The following RSRC1 variants were observed in gnomAD, a reference collection of about 807,000 sequenced individuals.
The protein encoded by RSRC1 is arginine and serine rich coiled-coil 1.
RSRC1 carries 39 observed loss-of-function variants against 49.1 expected under a neutral mutation model. The observed-to-expected ratio is 0.79, with a 90% CI of 0.61 to 1.04. RSRC1 has a LOEUF of 1.04. Among genes scored for constraint, RSRC1 ranks in the 50% least tolerant of loss-of-function variants. The probability of loss-of-function intolerance (pLI) is 0.00; values close to 1 mark genes in which losing one functional copy is unlikely to be tolerated. For missense variants in RSRC1, 388 were observed against 402.4 expected (o/e 0.96, Z 0.31); for synonymous variants, 143 against 130.8 (o/e 1.09, Z -0.63).
chr3:158,541,955 G>C (rs141714814), intron 8 of RSRC1, among the ~76,000 whole-genome samples: 1 of 152,068 alleles, frequency 6.6e-6, no homozygotes, highest in Non-Finnish European at 1.5e-5. Context: ...ACAGTGTATC[G>C]CACCTGGTGA....
intron 4 of RSRC1, among the ~76,000 whole-genome samples, chr3:158,230,315 TAATGGC>T (rs898503584): frequency 7.2e-5 from 11 of 152,134 alleles, no homozygotes; most frequent in East Asian, 1.9e-4. Flanking sequence ...TTTGCCCCAT[TAATGGC>T]AATGTTAACT....
chr3:158,417,843 A>C (rs955807250), intron 6 of RSRC1, among the ~76,000 whole-genome samples: 1 of 149,040 alleles, frequency 6.7e-6, no homozygotes. Context: ...GTGACTTATT[A>C]AAAAAAATCA....
intron 1 of RSRC1, among the ~76,000 whole-genome samples, chr3:158,118,413 CTGTGTGTGTGTGTGTGTGTG>C (rs57257889): frequency 2.0e-4 from 18 of 90,136 alleles, no homozygotes; most frequent in Admixed American, 8.2e-4. Flanking sequence ...ACCTGGCCTT[CTGTGTGTGTGTGTGTGTGTG>C]TGTGTGTGTG....
intron 7 of RSRC1, among the ~76,000 whole-genome samples, chr3:158,486,451 T>TGAGGGG (rs1312004489): frequency 6.6e-6 from 1 of 152,052 alleles, no homozygotes; most frequent in Non-Finnish European, 1.5e-5. Context: ...TGCAGCCTAT[T>TGAGGGG]GAGGGGGAGG....
intron 7 of RSRC1, among the ~76,000 whole-genome samples, chr3:158,474,281 G>A (rs533958437): frequency 9.9e-4 from 150 of 152,232 alleles, no homozygotes; most frequent in Non-Finnish European, 1.7e-3. Flanking sequence ...TAAAAGTTAT[G>A]TTTACACTAT....
intron 3 of RSRC1, among the ~76,000 whole-genome samples, chr3:158,175,855 A>G (rs751059521): frequency 4.6e-5 from 7 of 151,868 alleles, no homozygotes; most frequent in Non-Finnish European, 1.0e-4. Flanking sequence ...GCCTTATTTC[A>G]TTAATTTGAT....
chr3:158,259,982 C>A (rs1430174398), intron 4 of RSRC1, among the ~76,000 whole-genome samples: 1 of 151,852 alleles, frequency 6.6e-6, no homozygotes, highest in African/African-American at 2.4e-5. Flanking sequence ...TAAGTTGGGT[C>A]CCCTGTGGCC....
At chr3:158,191,629 A>G (rs980047897) in intron 3 of RSRC1, among the ~76,000 whole-genome samples, 4 of 152,138 alleles carry the variant, frequency 2.6e-5, no homozygotes, top group East Asian at 3.9e-4. Context: ...TGGGTGTTCT[A>G]GAGTGCCACA....
At chr3:158,482,034 T>G (rs1004998337) in intron 7 of RSRC1, among the ~76,000 whole-genome samples, 2 of 152,066 alleles carry the variant, frequency 1.3e-5, no homozygotes, top group Non-Finnish European at 2.9e-5. Context: ...CAGAATTTGA[T>G]TCTTTTAATC....
intron 8 of RSRC1, among the ~76,000 whole-genome samples, chr3:158,542,666 G>A (rs1713101564): frequency 6.6e-6 from 1 of 152,212 alleles, no homozygotes; most frequent in South Asian, 2.1e-4. Flanking sequence ...AGGATGGAAA[G>A]GTTGGAAGGA....
intron 6 of RSRC1, among the ~76,000 whole-genome samples, chr3:158,358,834 A>T (rs1731307256): frequency 6.6e-6 from 1 of 152,072 alleles, no homozygotes; most frequent in African/African-American, 2.4e-5. Context: ...TATTTCATAT[A>T]AATGGAATCC....
intron 5 of RSRC1, among the ~76,000 whole-genome samples, chr3:158,326,196 C>G (rs1343071343): frequency 6.6e-6 from 1 of 152,274 alleles, no homozygotes; most frequent in East Asian, 1.9e-4. Flanking sequence ...TTGACTTCCT[C>G]TTTTCCTAAC....
rs186312330 is a variant in RSRC1, at chr3:158,182,704, A to G, written c.321-20368A>G. Among the ~76,000 whole-genome samples, 344 of 152,342 alleles carry G rather than the reference A, an allele frequency of 2.3e-3. 1 individual carries two copies. The highest frequency in any genetic ancestry group is 8.0e-3 in the African/African-American group (331 of 41,578). On this transcript the variant is annotated intron_variant, in intron 3 of 9. Coordinates refer to ENST00000611884, the MANE Select transcript of RSRC1 (RefSeq NM_001271838.2). The stretch of plus-strand genomic sequence containing the variant: ...TGAGTGCTCTGTGTTTACGGAAAGA[A>G]GGAAAGAATGGTTCAAATAAAATAA...
chr3:158,336,136 C>G (rs2108205178), intron 5 of RSRC1, among the ~76,000 whole-genome samples: 1 of 152,360 alleles, frequency 6.6e-6, no homozygotes, highest in South Asian at 2.1e-4. Flanking sequence ...CTATGCCTGC[C>G]TAGGCAATGA....
intron 5 of RSRC1, among the ~76,000 whole-genome samples, chr3:158,352,515 TTA>T: frequency 6.6e-6 from 1 of 152,220 alleles, no homozygotes; most frequent in East Asian, 1.9e-4. Flanking sequence ...CAAAAAAAAA[TTA>T]GTCATGAAAT....
chr3:158,182,079 T>C (rs1719652312), intron 3 of RSRC1, among the ~76,000 whole-genome samples: 1 of 151,464 alleles, frequency 6.6e-6, no homozygotes, highest in Admixed American at 6.6e-5. Flanking sequence ...GTTCGGGAGG[T>C]TGGGAGAGAG....
chr3:158,288,268 A>G (rs773166953), intron 4 of RSRC1, among the ~76,000 whole-genome samples: 39 of 152,152 alleles, frequency 2.6e-4, no homozygotes, highest in Admixed American at 5.2e-4. Flanking sequence ...TTCAGGATCT[A>G]GCTATACCCT....
In RSRC1 at chr3:158,360,968, C is replaced by A. The variant is rs116411970; in HGVS notation, c.583+6060C>A. Among the ~76,000 whole-genome samples the A allele has an allele frequency of 6.3e-3, 965 of 152,316 alleles. 11 individuals are homozygous for A. Among genetic ancestry groups the A allele is most frequent in the African/African-American group, 0.022 (923 of 41,586 alleles). Reference sequence around the variant, plus strand: ...CTGGGGTGGGGGTTCCAGGTTCTCACTGGGCCCAGGCTGGCAACCAGGGCA... The same window carrying A: ...CTGGGGTGGGGGTTCCAGGTTCTCAATGGGCCCAGGCTGGCAACCAGGGCA... On this transcript the variant is annotated intron_variant, in intron 6 of 9. Coordinates refer to ENST00000611884, the MANE Select transcript of RSRC1 (RefSeq NM_001271838.2).
intron 6 of RSRC1, among the ~76,000 whole-genome samples, chr3:158,390,784 T>A (rs1439889568): frequency 6.6e-6 from 1 of 152,124 alleles, no homozygotes; most frequent in African/African-American, 2.4e-5. Flanking sequence ...TGTGTACAAG[T>A]GAAATTTGTC....
Sources: allele counts gnomAD v4.1 joint callset (sites outside exome capture counted in the v4.1 genomes callset), GRCh38; gene constraint gnomAD v4.1.1; transcripts MANE v1.5; gene names NCBI Gene and HGNC (gene_info 2026-07-23, HGNC 2026-07-21).